Variants in SNX29 observed in about 807,000 individuals in gnomAD.
SNX29 encodes sorting nexin-29.
Under a neutral mutation model 102.1 loss-of-function variants are expected in SNX29, and 78 were observed. The ratio of observed to expected loss-of-function variants is 0.76; its 90% confidence interval spans 0.64 to 0.92. The LOEUF is 0.92. Ranked by LOEUF, SNX29 falls within the 40% of genes least tolerant of loss-of-function variation. The pLI is 0.00. For synonymous variants in SNX29, 580 were observed against 414.5 expected (o/e 1.40, Z -4.85); for missense variants, 1,280 against 1,061.7 (o/e 1.21, Z -2.86).
rs1439133752 is a variant in SNX29 at position 12,571,441 on chromosome 16, T to C, written c.*2812T>C. ...TTCTTCTAAGATTACTCGGAGATTT[T>C]CAAACAACATCTGAGAACAGAAGCC... On this transcript the variant is annotated 3_prime_UTR_variant, in exon 21 of 21. Transcript: ENST00000566228. The C allele has an allele frequency of 2.5e-5, 6 of 237,624 alleles. No individual in the cohort carries two copies. Among genetic ancestry groups the C allele is most frequent in the South Asian group, 3.5e-4 (2 of 5,666 alleles). The allele number at this position is 237,624 out of a possible 1,614,324, so 14.7% of individuals were successfully genotyped here.
At chr16:12,125,514 C>G (rs904547745) in intron 11 of SNX29, among the ~76,000 whole-genome samples, 7 of 147,500 alleles carry the variant, frequency 4.7e-5, no homozygotes, top group Middle Eastern at 3.3e-3. Context: ...TACAGTGGAT[C>G]GGGTCGGCAT....
chr16:12,411,744 G>T (rs2084405906), intron 18 of SNX29, among the ~76,000 whole-genome samples: 1 of 152,116 alleles, frequency 6.6e-6, no homozygotes, highest in African/African-American at 2.4e-5. Flanking sequence ...GCCTCGCTCT[G>T]CAGAGAAAGG....
intron 20 of SNX29, among the ~76,000 whole-genome samples, chr16:12,554,853 G>T (rs879214902): frequency 1.3e-5 from 2 of 152,176 alleles, no homozygotes; most frequent in Non-Finnish European, 2.9e-5. Flanking sequence ...GTGCCAGGGT[G>T]CTCAGGAAAG....
intron 15 of SNX29, among the ~76,000 whole-genome samples, chr16:12,338,967 G>A (rs1396000980): frequency 6.6e-6 from 1 of 151,738 alleles, no homozygotes; most frequent in Non-Finnish European, 1.5e-5. Context: ...TCACATGGAG[G>A]GAGAGGTTAA....
At chr16:12,407,112 G>C (rs949102261) in intron 18 of SNX29, among the ~76,000 whole-genome samples, 7 of 152,192 alleles carry the variant, frequency 4.6e-5, no homozygotes, top group African/African-American at 1.7e-4. Flanking sequence ...TATGTGCCAA[G>C]TCAGGATTTA....
chr16:11,998,360 G>C (rs1001589242), intron 1 of SNX29, among the ~76,000 whole-genome samples: 1 of 152,208 alleles, frequency 6.6e-6, no homozygotes, highest in Non-Finnish European at 1.5e-5. Flanking sequence ...GTGCTTTCAA[G>C]TGCTCTTGCC....
intron 14 of SNX29, among the ~76,000 whole-genome samples, chr16:12,243,446 A>C (rs1400337478): frequency 1.3e-5 from 2 of 152,170 alleles, no homozygotes; most frequent in Non-Finnish European, 2.9e-5. Context: ...ATTTATTAAT[A>C]GTTTAATAAG....
At chr16:12,558,771 C>G (rs1018915506) in intron 20 of SNX29, among the ~76,000 whole-genome samples, 4 of 152,236 alleles carry the variant, frequency 2.6e-5, no homozygotes, top group African/African-American at 9.6e-5. Context: ...GATCATCCCG[C>G]ATTGTACAAC....
intron 15 of SNX29, among the ~76,000 whole-genome samples, chr16:12,304,816 C>T (rs893297304): frequency 6.6e-6 from 1 of 152,190 alleles, no homozygotes; most frequent in Non-Finnish European, 1.5e-5. Context: ...GAACTATAAA[C>T]TCTCATTTAC....
intron 16 of SNX29, among the ~76,000 whole-genome samples, chr16:12,388,203 T>G (rs1429062945): frequency 6.6e-6 from 1 of 152,130 alleles, no homozygotes; most frequent in Non-Finnish European, 1.5e-5. Context: ...ACAGCAGGTG[T>G]TATAGAAGGA....
At chr16:12,002,466 A>T (rs1049353032) in intron 2 of SNX29, among the ~76,000 whole-genome samples, 1 of 148,966 alleles carries the variant, frequency 6.7e-6, no homozygotes, top group Non-Finnish European at 1.5e-5. Context: ...AAAAAAAAGG[A>T]GTAGCCTGCT....
At chr16:12,162,399 G>C (rs1020736622) in intron 13 of SNX29, among the ~76,000 whole-genome samples, 1 of 152,192 alleles carries the variant, frequency 6.6e-6, no homozygotes, top group East Asian at 1.9e-4. Context: ...TGAGGAGTTG[G>C]CAAATATATT....
chr16:12,236,173 T>C (rs1330593741), intron 14 of SNX29, among the ~76,000 whole-genome samples: 1 of 152,172 alleles, frequency 6.6e-6, no homozygotes, highest in Non-Finnish European at 1.5e-5. Flanking sequence ...TCTCATCAAA[T>C]ACCCATCCAC....
At chr16:12,302,960 AT>A (rs2080225631) in intron 15 of SNX29, among the ~76,000 whole-genome samples, 1 of 152,150 alleles carries the variant, frequency 6.6e-6, no homozygotes. Context: ...TTTAAAGATA[AT>A]TTTCAAGAAA....
chr16:12,241,846 C>T (rs564501953), intron 14 of SNX29, among the ~76,000 whole-genome samples: 1 of 152,336 alleles, frequency 6.6e-6, no homozygotes, highest in East Asian at 1.9e-4. Flanking sequence ...TGTTTTCTCT[C>T]TCCTTATGGC....
At chr16:12,054,764 C>G (rs1210338448) in intron 8 of SNX29, among the ~76,000 whole-genome samples, 1 of 152,206 alleles carries the variant, frequency 6.6e-6, no homozygotes, top group Non-Finnish European at 1.5e-5. Context: ...CTGTCTCTCT[C>G]TCTTCAGGCA....
chr16:12,568,495 T>TGC lies in SNX29; in HGVS notation c.2319-10_2319-9dup, dbSNP rs763374141. 6.2e-7 allele frequency: 1 copy of TGC among 1,609,282 alleles called. No individual in the cohort carries two copies. Among genetic ancestry groups the TGC allele is most frequent in the Non-Finnish European group, 8.5e-7 (1 of 1,179,808 alleles). ...CCCAGACTTAACCCGATTCTCTCCC[T>TGC]GCTCTTTCAGCGACATCACCCCGCC... On this transcript the variant is annotated splice_polypyrimidine_tract_variant and intron_variant, in intron 20 of 20. Transcript: ENST00000566228.
chr16:12,476,195 A>G (rs1376857423), intron 18 of SNX29, among the ~76,000 whole-genome samples: 2 of 149,338 alleles, frequency 1.3e-5, no homozygotes, highest in Non-Finnish European at 3.0e-5. Context: ...GGTGGTGGGC[A>G]TCTGTAATCC....
intron 20 of SNX29, chr16:12,560,701 C>G (rs1464402133): frequency 6.2e-6 from 1 of 161,704 alleles, no homozygotes; most frequent in East Asian, 1.3e-4. Flanking sequence ...GTCATCGACT[C>G]TGGGCTCAGA....
Sources: allele counts gnomAD v4.1 joint callset (sites outside exome capture counted in the v4.1 genomes callset), GRCh38; gene constraint gnomAD v4.1.1; transcripts MANE v1.5; gene names NCBI Gene and HGNC (gene_info 2026-07-23, HGNC 2026-07-21).